MSH4: variants seen among roughly 807,000 people sequenced by gnomAD.
MSH4 encodes mutS homolog 4.
MSH4 carries 106 observed loss-of-function variants against 113.7 expected under a neutral mutation model. That is an observed-to-expected ratio of 0.93 (90% confidence interval 0.80 to 1.10). The LOEUF is 1.10. Ranked by LOEUF, MSH4 falls within the 50% of genes least tolerant of loss-of-function variation. MSH4 has a pLI of 0.00. For synonymous variants in MSH4, 368 were observed against 380.2 expected (o/e 0.97, Z 0.37); for missense variants, 1,061 against 1,093.7 (o/e 0.97, Z 0.42).
rs1649824232 is a variant in MSH4, at chr1:75,796,967, T to C, written c.-19T>C. Reference sequence around the variant, plus strand: ...GCTCAGAAACCTCATACTTCTCGGGTCAGGGAAGGTTTGGGAGGATGCTGA... The same window carrying C: ...GCTCAGAAACCTCATACTTCTCGGGCCAGGGAAGGTTTGGGAGGATGCTGA... On this transcript the variant is annotated 5_prime_UTR_variant, in exon 1 of 20. Coordinates refer to ENST00000263187, the MANE Select transcript of MSH4 (RefSeq NM_002440.4). 1 of 1,613,342 alleles carries C rather than the reference T, an allele frequency of 6.2e-7. No individual in the cohort carries two copies. The highest frequency in any genetic ancestry group is 8.5e-7 in the Non-Finnish European group (1 of 1,179,752).
intron 19 of MSH4, among the ~76,000 whole-genome samples, chr1:75,910,580 T>C (rs1652768267): frequency 6.6e-6 from 1 of 152,052 alleles, no homozygotes; most frequent in African/African-American, 2.4e-5. Flanking sequence ...GCCATCATCA[T>C]TACTTTTTCT....
intron 7 of MSH4, among the ~76,000 whole-genome samples, chr1:75,846,334 A>G (rs5745399): frequency 0.013 from 1,974 of 152,268 alleles, 43 homozygotes; most frequent in African/African-American, 0.045. Flanking sequence ...GAGTTTTCAT[A>G]ATTTGTTTAT....
At chr1:75,835,402 C>G (rs935843825) in intron 7 of MSH4, among the ~76,000 whole-genome samples, 4 of 152,108 alleles carry the variant, frequency 2.6e-5, no homozygotes, top group Admixed American at 2.6e-4. Flanking sequence ...GTTGGTCTAC[C>G]TATACCTGCC....
chr1:75,804,557 C>T (rs1224126330), intron 2 of MSH4, among the ~76,000 whole-genome samples: 1 of 143,524 alleles, frequency 7.0e-6, no homozygotes, highest in African/African-American at 2.6e-5. Flanking sequence ...GTCGCCCAGG[C>T]TGGAATGCAG....
intron 17 of MSH4, among the ~76,000 whole-genome samples, chr1:75,892,096 A>G (rs754975527): frequency 6.6e-5 from 10 of 152,172 alleles, no homozygotes; most frequent in Non-Finnish European, 1.2e-4. Context: ...CACTCAATAA[A>G]TGCAAGCCTG....
At chr1:75,827,155 ACAAG>A (rs1026938470) in intron 7 of MSH4, among the ~76,000 whole-genome samples, 1 of 152,182 alleles carries the variant, frequency 6.6e-6, no homozygotes, top group Non-Finnish European at 1.5e-5. Flanking sequence ...CAGAAACCCT[ACAAG>A]CAAGAAGAGA....
chr1:75,897,969 TG>T lies in MSH4; in HGVS notation c.2419del (p.Val807Ter). The stretch of plus-strand genomic sequence containing the variant: ...GCCATATTGATGCCCTGTATCCTAA[TG>T]TAGAAAACATGCATTTTGAAGTTCA... ...LCHIDALYPNVENMHFEVQHV... is the reference protein window; with the variant it reads ...LCHIDALYPNXENMHFEVQHV... On this transcript the variant is annotated frameshift_variant, in exon 18 of 20. Coordinates refer to ENST00000263187, the MANE Select transcript of MSH4 (RefSeq NM_002440.4). LOFTEE classifies it high-confidence loss of function. The T allele has an allele frequency of 6.2e-7, 1 of 1,606,352 alleles. No homozygotes were observed. The highest frequency in any genetic ancestry group is 1.1e-5 in the South Asian group (1 of 89,220).
At chr1:75,821,629 C>A (rs1250882) in intron 6 of MSH4, among the ~76,000 whole-genome samples, 140,692 of 152,262 alleles carry the variant, frequency 0.92, 65,284 homozygotes, top group African/African-American at 0.97. Flanking sequence ...ACTTTTTTTG[C>A]GACAAGATCT....
intron 17 of MSH4, among the ~76,000 whole-genome samples, chr1:75,896,237 T>G (rs1017539567): frequency 7.9e-5 from 12 of 152,080 alleles, no homozygotes; most frequent in Admixed American, 3.3e-4. Flanking sequence ...CTGGAGTTAT[T>G]CCATCAACTC....
intron 9 of MSH4, among the ~76,000 whole-genome samples, chr1:75,870,007 T>G (rs1218113861): frequency 1.3e-5 from 2 of 152,130 alleles, no homozygotes; most frequent in African/African-American, 4.8e-5. Context: ...GCTGCAGGGT[T>G]CAGGGGGCTG....
chr1:75,797,109 C>T lies in MSH4; in HGVS notation c.124C>T (p.Arg42Cys), dbSNP rs767882646. 2 of 1,613,894 alleles carry T rather than the reference C, an allele frequency of 1.2e-6. No homozygotes were observed. The highest frequency in any genetic ancestry group is 1.3e-5 in the African/African-American group (1 of 74,932). ...CGGACTCCAGGAGACTCCACAGAGC[C>T]GCCCTTCGGTCCAGGTGGTCTCTGC... Reference protein sequence around the residue: ...NFGLQETPQSRPSVQVVSAST... With the variant: ...NFGLQETPQSCPSVQVVSAST... Residue 42 changes from arginine to cysteine, a missense_variant, in exon 1 of 20, where the codon CGC becomes TGC. Transcript: ENST00000263187.
intron 1 of MSH4, among the ~76,000 whole-genome samples, chr1:75,799,242 G>T (rs1012023260): frequency 6.6e-6 from 1 of 152,000 alleles, no homozygotes; most frequent in African/African-American, 2.4e-5. Context: ...CTAGGCAGAC[G>T]GTATCTTTGA....
At chr1:75,799,730 G>A (rs995180306) in intron 1 of MSH4, among the ~76,000 whole-genome samples, 1 of 152,090 alleles carries the variant, frequency 6.6e-6, no homozygotes, top group Non-Finnish European at 1.5e-5. Context: ...ATTAGATCTG[G>A]GAGACAAATT....
intron 7 of MSH4, among the ~76,000 whole-genome samples, chr1:75,826,556 G>T (rs190400769): frequency 6.6e-6 from 1 of 152,176 alleles, no homozygotes; most frequent in East Asian, 1.9e-4. Flanking sequence ...TGATGTTAGG[G>T]TGTCGATTTG....
intron 7 of MSH4, among the ~76,000 whole-genome samples, chr1:75,831,444 C>T (rs11587588): frequency 0.21 from 31,347 of 151,930 alleles, 3,741 homozygotes; most frequent in African/African-American, 0.3. Context: ...ACCTAACAGA[C>T]ATCTACAGAA....
intron 4 of MSH4, among the ~76,000 whole-genome samples, chr1:75,811,257 A>G (rs1444090202): frequency 6.6e-6 from 1 of 152,214 alleles, no homozygotes; most frequent in Non-Finnish European, 1.5e-5. Context: ...AGTGTCCTAA[A>G]GTAGTCACTA....
chr1:75,852,363 G>A (rs1326197911), intron 8 of MSH4, among the ~76,000 whole-genome samples: 1 of 152,068 alleles, frequency 6.6e-6, no homozygotes, highest in Non-Finnish European at 1.5e-5. Flanking sequence ...TTTTTCTAGG[G>A]ACATACATTT....
chr1:75,819,348 C>T (rs1650358211), intron 6 of MSH4, among the ~76,000 whole-genome samples: 1 of 152,024 alleles, frequency 6.6e-6, no homozygotes. Flanking sequence ...CAAAATTTAG[C>T]CAGCATAGTG....
chr1:75,804,392 A>C (rs1014214593), intron 2 of MSH4, among the ~76,000 whole-genome samples: 10 of 152,244 alleles, frequency 6.6e-5, no homozygotes, highest in African/African-American at 2.4e-4. Flanking sequence ...TTTATAAGAT[A>C]ATGACAAATT....
Sources: gnomAD v4.1 joint callset for allele counts (sites outside exome capture counted in the v4.1 genomes callset) on GRCh38, gnomAD v4.1.1 for gene constraint, MANE v1.5 for transcripts, NCBI Gene and HGNC (gene_info 2026-07-23, HGNC 2026-07-21) for gene names.